VPS13B: variants seen among roughly 807,000 people sequenced by gnomAD.
VPS13B encodes the protein intermembrane lipid transfer protein VPS13B.
Under a neutral mutation model 426.4 loss-of-function variants are expected in VPS13B, and 285 were observed. The observed-to-expected ratio is 0.67, with a 90% CI of 0.61 to 0.74. The LOEUF is 0.74. VPS13B is among the 30% of genes least tolerant of loss of function. The pLI is 0.00. For missense variants in VPS13B, 4,537 were observed against 4,782.6 expected (o/e 0.95, Z 1.51); for synonymous variants, 1,676 against 1,676.4 (o/e 1.00, Z 0.01).
chr8:99,764,544 G>T (rs1408937122), intron 39 of VPS13B, among the ~76,000 whole-genome samples: 1 of 150,526 alleles, frequency 6.6e-6, no homozygotes, highest in African/African-American at 2.4e-5. Context: ...CTCCTGAATA[G>T]CTGGGACTAC....
chr8:99,226,689 T>C (rs1170723365), intron 17 of VPS13B, among the ~76,000 whole-genome samples: 1 of 152,172 alleles, frequency 6.6e-6, no homozygotes, highest in Non-Finnish European at 1.5e-5. Context: ...GTTATAGGTA[T>C]AGTAATTTTC....
intron 4 of VPS13B, among the ~76,000 whole-genome samples, chr8:99,101,987 T>G (rs1308198267): frequency 6.6e-6 from 1 of 152,222 alleles, no homozygotes; most frequent in Non-Finnish European, 1.5e-5. Flanking sequence ...AAGATTAATT[T>G]TTTTTTCTCC....
intron 33 of VPS13B, among the ~76,000 whole-genome samples, chr8:99,602,175 A>G (rs567464708): frequency 6.2e-4 from 94 of 152,248 alleles, no homozygotes; most frequent in African/African-American, 2.2e-3. Context: ...TAATTTTTGT[A>G]TGAGGTGTAA....
At chr8:99,818,310 TG>T in intron 45 of VPS13B, 140 bp from the exon 46 acceptor site, 1 of 855,520 alleles carries the variant, frequency 1.2e-6, no homozygotes, top group Non-Finnish European at 1.8e-6. Context: ...AGTCTGTTTT[TG>T]CTCAGTTTTT....
At chr8:99,375,122 T>C (rs1813412496) in intron 19 of VPS13B, among the ~76,000 whole-genome samples, 1 of 152,220 alleles carries the variant, frequency 6.6e-6, no homozygotes, top group Admixed American at 6.5e-5. Flanking sequence ...GGAAAATAGA[T>C]GGCAAGTGGG....
intron 33 of VPS13B, among the ~76,000 whole-genome samples, chr8:99,630,420 T>C (rs1828794401): frequency 6.6e-6 from 1 of 152,152 alleles, no homozygotes; most frequent in Admixed American, 6.6e-5. Flanking sequence ...TCCTGGCTTC[T>C]TTCTGTCCTG....
chr8:99,170,907 G>A (rs1812294620), intron 16 of VPS13B, among the ~76,000 whole-genome samples: 1 of 151,484 alleles, frequency 6.6e-6, no homozygotes, highest in Non-Finnish European at 1.5e-5. Context: ...ATTTTTGCAG[G>A]ATAGTTTTTC....
intron 15 of VPS13B, among the ~76,000 whole-genome samples, chr8:99,165,409 T>C (rs1811946413): frequency 6.6e-6 from 1 of 152,214 alleles, no homozygotes; most frequent in Non-Finnish European, 1.5e-5. Context: ...CGTTTGAATA[T>C]GTATGGTATT....
intron 33 of VPS13B, among the ~76,000 whole-genome samples, chr8:99,622,404 AT>A (rs1828401203): frequency 6.6e-6 from 1 of 152,192 alleles, no homozygotes; most frequent in Admixed American, 6.5e-5. Flanking sequence ...TTATGAGCAT[AT>A]TTCTTTTTGG....
At chr8:99,684,325 A>T (rs950299748) in intron 35 of VPS13B, among the ~76,000 whole-genome samples, 2 of 152,198 alleles carry the variant, frequency 1.3e-5, no homozygotes, top group African/African-American at 2.4e-5. Flanking sequence ...ATGAATTAAG[A>T]AGTATTCTCT....
chr8:99,135,867 G>A (rs1341578757), intron 11 of VPS13B, 134 bp downstream of exon 11: 2 of 1,221,048 alleles, frequency 1.6e-6, no homozygotes, highest in Non-Finnish European at 2.3e-6. Context: ...CATTTAGAAT[G>A]CATTTATACA....
At chr8:99,865,588 C>G (rs1817058919) in intron 58 of VPS13B, among the ~76,000 whole-genome samples, 1 of 152,216 alleles carries the variant, frequency 6.6e-6, no homozygotes, top group Non-Finnish European at 1.5e-5. Flanking sequence ...ATACCACCAT[C>G]TGCCATTAGC....
At chr8:99,125,273 G>A (rs1848139929) in intron 8 of VPS13B, among the ~76,000 whole-genome samples, 1 of 152,186 alleles carries the variant, frequency 6.6e-6, no homozygotes, top group South Asian at 2.1e-4. Flanking sequence ...AAAAGCTGAA[G>A]AACTTGGAGT....
chr8:99,044,187 C>T (rs1349503978), intron 3 of VPS13B, among the ~76,000 whole-genome samples: 1 of 150,418 alleles, frequency 6.6e-6, no homozygotes, highest in Non-Finnish European at 1.5e-5. Context: ...GGGTTCACGC[C>T]ATTCTCCTGC....
At chr8:99,250,267 A>G (rs1817434904) in intron 17 of VPS13B, among the ~76,000 whole-genome samples, 1 of 152,124 alleles carries the variant, frequency 6.6e-6, no homozygotes. Flanking sequence ...ACTATTCTAG[A>G]TACTAGTCCT....
chr8:99,193,016 C>A lies in VPS13B; in HGVS notation c.2474C>A (p.Ala825Glu), dbSNP rs376354130. 6.2e-7 allele frequency: 1 copy of A among 1,613,662 alleles called. No individual in the cohort carries two copies. Among genetic ancestry groups the A allele is most frequent in the Non-Finnish European group, 8.5e-7 (1 of 1,179,830 alleles). The stretch of plus-strand genomic sequence containing the variant: ...CATCTTGGAAATGTCAGCTCTTCCG[C>A]AGTGATTGAAGCTTTGATAAATGAA... ...WSHLGNVSSS[A>E]VIEALINEIF... Residue 825 changes from alanine to glutamate, a missense_variant, in exon 17 of 62, where the codon GCA (alanine) becomes GAA (glutamate). Ala to Glu is a moderately radical substitution (Grantham distance 107, BLOSUM62 -1). Around this residue, in one of 2 missense-constraint regions of VPS13B, gnomAD observed 4,311 missense variants for 4,474.3 expected, o/e 0.96. Coordinates refer to ENST00000357162, the MANE Select transcript of VPS13B (RefSeq NM_152564.5).
chr8:99,303,874 C>T (rs1357072447), intron 19 of VPS13B, among the ~76,000 whole-genome samples: 1 of 151,758 alleles, frequency 6.6e-6, no homozygotes, highest in Admixed American at 6.6e-5. Flanking sequence ...TCTATTTTTC[C>T]ATTTATATGC....
chr8:99,194,563 C>T (rs1813792374), intron 17 of VPS13B, among the ~76,000 whole-genome samples: 1 of 152,298 alleles, frequency 6.6e-6, no homozygotes, highest in African/African-American at 2.4e-5. Flanking sequence ...ATAATGTCCT[C>T]CAGGTTCAAC....
intron 19 of VPS13B, among the ~76,000 whole-genome samples, chr8:99,300,544 A>C (rs1300977775): frequency 6.6e-6 from 1 of 152,182 alleles, no homozygotes; most frequent in Non-Finnish European, 1.5e-5. Flanking sequence ...GTTTGTAACC[A>C]ACCCTAATAT....
Sources: gnomAD v4.1 joint callset for allele counts (sites outside exome capture counted in the v4.1 genomes callset) on GRCh38, gnomAD v4.1.1 for gene constraint, gnomAD v4.1.1 regional missense constraint, MANE v1.5 for transcripts, NCBI Gene and HGNC (gene_info 2026-07-23, HGNC 2026-07-21) for gene names.